Variants in DNAH7 observed in about 807,000 individuals in gnomAD.
DNAH7 encodes the protein dynein axonemal heavy chain 7, also known as axonemal beta dynein heavy chain 7.
Under a neutral mutation model 444.6 loss-of-function variants are expected in DNAH7, and 397 were observed. That is an observed-to-expected ratio of 0.89 (90% CI 0.82 to 0.97). DNAH7 has a LOEUF of 0.97. DNAH7 is among the 50% of genes least tolerant of loss of function. DNAH7 has a pLI of 0.00. For missense variants in DNAH7, 4,902 were observed against 4,800.8 expected (o/e 1.02, Z -0.62); for synonymous variants, 1,636 against 1,624.4 (o/e 1.01, Z -0.17).
chr2:195,798,482 T>A (rs985807909), intron 55 of DNAH7, among the ~76,000 whole-genome samples: 1 of 152,072 alleles, frequency 6.6e-6, no homozygotes, highest in Admixed American at 6.6e-5. Flanking sequence ...TGTAAGAACA[T>A]TTGTACTGAA....
At chr2:195,778,029 A>C in intron 58 of DNAH7, 44 bp from the exon 59 acceptor site, 1 of 1,475,654 alleles carries the variant, frequency 6.8e-7, no homozygotes. Flanking sequence ...GTAGCATGTT[A>C]TACAGAATCG....
chr2:195,795,564 C>T (rs924848461), intron 56 of DNAH7, among the ~76,000 whole-genome samples: 2 of 152,186 alleles, frequency 1.3e-5, no homozygotes, highest in African/African-American at 2.4e-5. Context: ...AAGGCTAGAG[C>T]ATGGAAGTCA....
At chr2:195,792,941 T>C (rs943381559) in intron 57 of DNAH7, among the ~76,000 whole-genome samples, 7 of 152,004 alleles carry the variant, frequency 4.6e-5, no homozygotes, top group African/African-American at 1.7e-4. Context: ...TATTTATTTA[T>C]TTAGAAATAG....
chr2:195,863,053 CA>C (rs201230090), intron 41 of DNAH7, among the ~76,000 whole-genome samples: 2,494 of 152,212 alleles, frequency 0.016, 34 homozygotes, highest in Non-Finnish European at 0.027. Context: ...ACAAACACAA[CA>C]ACAAAGCATT....
chr2:195,969,313 T>TA (rs1349769475), intron 17 of DNAH7, among the ~76,000 whole-genome samples: 29 of 152,348 alleles, frequency 1.9e-4, no homozygotes, highest in Non-Finnish European at 2.8e-4. Flanking sequence ...TTACCTGAAC[T>TA]AATAAGATAT....
intron 36 of DNAH7, among the ~76,000 whole-genome samples, chr2:195,880,330 C>CTT (rs1042876508): frequency 0.093 from 12,668 of 136,588 alleles, 695 homozygotes; most frequent in African/African-American, 0.13. Context: ...CTTTCTTTTT[C>CTT]TTTTTTTTTT....
At chr2:195,846,949 A>ATGTGTGTGTGTGTGTGTGTGTG (rs35075325) in intron 46 of DNAH7, among the ~76,000 whole-genome samples, 151 of 137,204 alleles carry the variant, frequency 1.1e-3, no homozygotes, top group African/African-American at 4.0e-3. Context: ...ACTCCCATAT[A>ATGTGTGTGTGTGTGTGTGTGTG]TGTGTGTGTG....
intron 9 of DNAH7, among the ~76,000 whole-genome samples, chr2:196,014,597 G>A (rs1485584469): frequency 1.3e-5 from 2 of 152,094 alleles, no homozygotes; most frequent in African/African-American, 4.8e-5. Flanking sequence ...TTTCAGGCAG[G>A]AGGAATTTCA....
intron 42 of DNAH7, among the ~76,000 whole-genome samples, chr2:195,860,803 T>G (rs1243188046): frequency 6.6e-6 from 1 of 152,178 alleles, no homozygotes; most frequent in Non-Finnish European, 1.5e-5. Context: ...TTAAAAGAAT[T>G]TGGTCTGTTC....
chr2:195,946,176 G>A (rs1689790518), intron 19 of DNAH7, among the ~76,000 whole-genome samples: 1 of 152,256 alleles, frequency 6.6e-6, no homozygotes, highest in East Asian at 1.9e-4. Context: ...AAGTGGGTAG[G>A]GAAGATGAAT....
In DNAH7 at chr2:195,931,637, A is replaced by G. The variant is rs575079956; in HGVS notation, c.3471+2954T>C. 1.5e-4 allele frequency among the ~76,000 whole-genome samples: 23 copies of G among 151,592 alleles called. No homozygotes were observed. In the South Asian group the frequency reaches 4.2e-3, roughly 27 times the overall value. On this transcript the variant is annotated intron_variant, in intron 21 of 64. Coordinates refer to ENST00000312428, the MANE Select transcript of DNAH7 (RefSeq NM_018897.3). ...AAGGGATCCAGTTTCAGCTTTCTAC[A>G]TATGGCTAGCCAGTTTTCCCAGCAC...
In DNAH7 at chr2:195,879,067, A is replaced by C. The variant is rs181136884; in HGVS notation, c.5962-2368T>G. Among the ~76,000 whole-genome samples the C allele has an allele frequency of 6.6e-5, 10 of 152,328 alleles. No individual in the cohort carries two copies. In the East Asian group the frequency reaches 1.9e-3, roughly 29 times the overall value. On this transcript the variant is annotated intron_variant, in intron 36 of 64. Transcript: ENST00000312428. ...CTTCCAAATCAATAGGAAGAACAAA[A>C]TATTATAAACACACCATCATAACAG...
intron 1 of DNAH7, 96 bp from the exon 2 acceptor site, chr2:196,058,212 A>G: frequency 1.2e-6 from 1 of 803,096 alleles, no homozygotes; most frequent in Non-Finnish European, 1.9e-6. Context: ...GTAAGCATAC[A>G]TCATCCAAAA....
rs1223513733 is a variant in DNAH7 at position 195,875,584 on chromosome 2, CA to C, written c.6286+90del. On this transcript the variant is annotated intron_variant, in intron 38 of 64. Coordinates refer to ENST00000312428, the MANE Select transcript of DNAH7 (RefSeq NM_018897.3). ...TAGAAAACATATACACAAAACACTG[CA>C]ACTCAAAAGAGGATTTTTTTCCAGT... 1.2e-5 allele frequency: 14 copies of C among 1,214,990 alleles called. No individual in the cohort carries two copies. The African/African-American group carries it at 1.5e-4, about 13-fold the overall frequency. The allele number at this position is 1,214,990 out of a possible 1,614,324, so 75.3% of individuals were successfully genotyped here. A position where few individuals can be genotyped will look rare whatever the true frequency, so the allele number is the denominator to read the frequency against.
chr2:195,944,309 A>G (rs1473657269), intron 19 of DNAH7, among the ~76,000 whole-genome samples: 2 of 152,228 alleles, frequency 1.3e-5, no homozygotes, highest in Non-Finnish European at 1.5e-5. Flanking sequence ...TTTCTATCTA[A>G]TTGAGACAGG....
At chr2:195,917,757 T>G (rs925704701) in intron 24 of DNAH7, among the ~76,000 whole-genome samples, 3 of 152,202 alleles carry the variant, frequency 2.0e-5, no homozygotes, top group African/African-American at 7.2e-5. Flanking sequence ...TGGACTCAAG[T>G]GATCCTCCTG....
intron 19 of DNAH7, among the ~76,000 whole-genome samples, chr2:195,945,803 A>G (rs1312052298): frequency 6.6e-6 from 1 of 152,196 alleles, no homozygotes; most frequent in East Asian, 1.9e-4. Flanking sequence ...AAAATTTAAG[A>G]GTGTTTTTGT....
chr2:195,974,491 A>G (rs7561860), intron 15 of DNAH7, among the ~76,000 whole-genome samples: 46,270 of 152,048 alleles, frequency 0.3, 9,752 homozygotes, highest in African/African-American at 0.6. Context: ...GTCAAAGGCT[A>G]TTATGTACAG....
At chr2:195,828,053 A>G (rs1020786086) in intron 48 of DNAH7, among the ~76,000 whole-genome samples, 1 of 152,170 alleles carries the variant, frequency 6.6e-6, no homozygotes, top group African/African-American at 2.4e-5. Flanking sequence ...TCCATTCCTT[A>G]TCTAACCTGG....
Sources: gnomAD v4.1 joint callset for allele counts (sites outside exome capture counted in the v4.1 genomes callset) on GRCh38, gnomAD v4.1.1 for gene constraint, MANE v1.5 for transcripts, NCBI Gene and HGNC (gene_info 2026-07-23, HGNC 2026-07-21) for gene names.